CX3CR1: variants seen among roughly 807,000 people sequenced by gnomAD.
CX3CR1 encodes C-X3-C motif chemokine receptor 1, also known as CX3C chemokine receptor 1.
For synonymous variants in CX3CR1, 168 were observed against 178.5 expected (o/e 0.94, Z 0.47); for missense variants, 363 against 432.4 (o/e 0.84, Z 1.42).
Position 39,265,734 on chromosome 3 carries a change from T to C in CX3CR1, c.776A>G (p.Tyr259Cys). Residue 259 changes from tyrosine (Y) to cysteine (C), a missense_variant, in exon 2 of 2, where the codon TAT (tyrosine) becomes TGT (cysteine). Tyr to Cys is a radical substitution (Grantham distance 194, BLOSUM62 -2). Transcript: ENST00000399220. ...VMIFLETLKLYDFFPSCDMRK... is the reference protein window; with the variant it reads ...VMIFLETLKLCDFFPSCDMRK... Reference sequence around the variant, plus strand: ...CATGTCACAACTGGGAAAGAAGTCATAGAGCTTAAGCGTCTCCAGGAAAAT... The same window carrying C: ...CATGTCACAACTGGGAAAGAAGTCACAGAGCTTAAGCGTCTCCAGGAAAAT... 2 of 1,614,212 alleles carry C rather than the reference T, an allele frequency of 1.2e-6. No homozygotes were observed. The highest frequency in any genetic ancestry group is 1.7e-5 in the Admixed American group (1 of 60,028).
upstream of CX3CR1, among the ~76,000 whole-genome samples, chr3:39,282,560 A>G (rs115086625): frequency 6.6e-6 from 1 of 152,176 alleles, no homozygotes; most frequent in African/African-American, 2.4e-5. Context: ...AGAGGCTGTG[A>G]GGATGGTGGG....
chr3:39,267,879 C>T (rs2040725082), intron 1 of CX3CR1, among the ~76,000 whole-genome samples: 1 of 152,234 alleles, frequency 6.6e-6, no homozygotes, highest in South Asian at 2.1e-4. Flanking sequence ...CCAGGACTTG[C>T]TGCTCATTCA....
In CX3CR1 at chr3:39,265,608, C is replaced by G; in HGVS notation, c.902G>C (p.Arg301Thr). Residue 301 changes from arginine (R) to threonine (T), a missense_variant, in exon 2 of 2, where the codon AGA (arginine) becomes ACA (threonine). By Grantham distance (71) the Arg-to-Thr change is moderately conservative. Transcript: ENST00000399220. ...CCCATACAGGTGGTAAAGGTATCTT[C>G]TGAACTTCTCCCCAGCAAATGCATA... The part of the protein sequence containing the change: ...LIYAFAGEKF[R>T]RYLYHLYGKC... The G allele has an allele frequency of 6.2e-7, 1 of 1,614,248 alleles. No individual in the cohort carries two copies. The highest frequency in any genetic ancestry group is 2.2e-5 in the East Asian group (1 of 44,886).
At position 39,270,979 on chromosome 3, in the gene CX3CR1, A is replaced by T. The variant is rs144981844; in HGVS notation, c.-9-4461T>A. Among the ~76,000 whole-genome samples, 907 of 152,298 alleles carry T rather than the reference A, an allele frequency of 6.0e-3. 8 individuals carry two copies. The highest frequency in any genetic ancestry group is 0.02 in the African/African-American group (833 of 41,556). ...TAGATGAATTCAGAGAGGGTGAATA[A>T]CTTGTTCGAGGTGATGCAGTGTGTG... On this transcript the variant is annotated intron_variant, in intron 1 of 1. Coordinates refer to ENST00000399220, the MANE Select transcript of CX3CR1 (RefSeq NM_001337.4).
At chr3:39,275,153 T>C (rs2040824863) in intron 1 of CX3CR1, among the ~76,000 whole-genome samples, 1 of 152,230 alleles carries the variant, frequency 6.6e-6, no homozygotes, top group African/African-American at 2.4e-5. Flanking sequence ...TGAGCCACCG[T>C]GCCCACCTAG....
At chr3:39,279,621 C>A (rs918131084) in intron 1 of CX3CR1, among the ~76,000 whole-genome samples, 3 of 152,180 alleles carry the variant, frequency 2.0e-5, no homozygotes, top group Admixed American at 6.5e-5. Flanking sequence ...AATACAATTT[C>A]TCATCTCAAA....
upstream of CX3CR1, chr3:39,281,273 CAG>C (rs951915011): frequency 1.8e-6 from 2 of 1,095,334 alleles, no homozygotes; most frequent in Non-Finnish European, 1.1e-6. Context: ...AGGACAAAAG[CAG>C]AGTCAGGCCG....
At chr3:39,282,572 A>G (rs2040913167), upstream of CX3CR1, among the ~76,000 whole-genome samples, 1 of 152,136 alleles carries the variant, frequency 6.6e-6, no homozygotes, top group Non-Finnish European at 1.5e-5. Flanking sequence ...GATGGTGGGG[A>G]CACCCTGGAC....
chr3:39,271,415 A>G (rs893567546), intron 1 of CX3CR1, among the ~76,000 whole-genome samples: 1 of 152,230 alleles, frequency 6.6e-6, no homozygotes, highest in Non-Finnish European at 1.5e-5. Context: ...TCAAGGAGCA[A>G]GAAAAGAGAT....
intron 1 of CX3CR1, among the ~76,000 whole-genome samples, chr3:39,273,070 G>A (rs2040797809): frequency 6.6e-6 from 1 of 152,380 alleles, no homozygotes; most frequent in Non-Finnish European, 1.5e-5. Flanking sequence ...CACAAAGCCT[G>A]TGCTCCTTGC....
chr3:39,272,622 A>T (rs973342569), intron 1 of CX3CR1, among the ~76,000 whole-genome samples: 4 of 151,970 alleles, frequency 2.6e-5, no homozygotes, highest in Non-Finnish European at 5.9e-5. Flanking sequence ...TTCTAAATCC[A>T]GTGTATCTTC....
upstream of CX3CR1, among the ~76,000 whole-genome samples, chr3:39,280,888 AC>A (rs2040889411): frequency 1.3e-5 from 2 of 152,052 alleles, no homozygotes; most frequent in Non-Finnish European, 2.9e-5. Context: ...TACCTGCCTG[AC>A]CCCTGGCATA....
chr3:39,289,833 A>T, the CX3CR1 span, among the ~76,000 whole-genome samples: 1 of 152,168 alleles, frequency 6.6e-6, no homozygotes, highest in African/African-American at 2.4e-5. Context: ...GCACAGAGAA[A>T]GGAGGCGGCA....
chr3:39,290,267 G>A, the CX3CR1 span, among the ~76,000 whole-genome samples: 1 of 152,174 alleles, frequency 6.6e-6, no homozygotes, highest in African/African-American at 2.4e-5. Context: ...TGTCTTAGTG[G>A]ATTTTATCTG....
At position 39,265,565 on chromosome 3, in the gene CX3CR1, C is replaced by T. The variant is rs1367947084; in HGVS notation, c.945G>A (p.Leu315=). Residue 315 remains leucine (L), a synonymous_variant, in exon 2 of 2, where the codon CTG becomes CTA. Coordinates refer to ENST00000399220, the MANE Select transcript of CX3CR1 (RefSeq NM_001337.4). The part of the protein sequence containing the change: ...YHLYGKCLAV[L]CGRSVHVDFS... The stretch of plus-strand genomic sequence containing the variant: ...AATCAACGTGGACTGAGCGCCCACA[C>T]AGGACAGCCAGGCATTTCCCATACA... 2 of 1,614,214 alleles carry T rather than the reference C, an allele frequency of 1.2e-6. No homozygotes were observed. Among genetic ancestry groups the T allele is most frequent in the South Asian group, 1.1e-5 (1 of 91,078 alleles).
At chr3:39,277,049 A>G (rs1393705832) in intron 1 of CX3CR1, among the ~76,000 whole-genome samples, 1 of 152,228 alleles carries the variant, frequency 6.6e-6, no homozygotes, top group Admixed American at 6.5e-5. Context: ...TTTGCAATAA[A>G]CAAAATACAA....
intron 1 of CX3CR1, among the ~76,000 whole-genome samples, chr3:39,271,145 G>A (rs925152573): frequency 6.6e-6 from 1 of 152,168 alleles, no homozygotes; most frequent in Non-Finnish European, 1.5e-5. Flanking sequence ...AGCTCTGCAG[G>A]CCAATGTTCA....
At position 39,265,697 on chromosome 3, in the gene CX3CR1, C is replaced by T. The variant is rs775769697; in HGVS notation, c.813G>A (p.Leu271=). The T allele has an allele frequency of 1.9e-6, 3 of 1,614,188 alleles. No homozygotes were observed. The highest frequency in any genetic ancestry group is 1.3e-5 in the African/African-American group (1 of 75,054). ...TCTCAGTCACACTGAGGGCCAGCCT[C>T]AGATCCTTCCTCATGTCACAACTGG... The part of the protein sequence containing the change: ...FFPSCDMRKD[L]RLALSVTETV... The change falls in exon 2 of 2, where the codon CTG becomes CTA. Residue 271 remains leucine, a synonymous_variant. Coordinates refer to ENST00000399220, the MANE Select transcript of CX3CR1 (RefSeq NM_001337.4).
chr3:39,267,076 G>A (rs1219326307), intron 1 of CX3CR1, among the ~76,000 whole-genome samples: 3 of 152,128 alleles, frequency 2.0e-5, no homozygotes, highest in East Asian at 3.9e-4. Flanking sequence ...GAGCCACAGC[G>A]CCCAGCCAGC....
Sources: allele counts gnomAD v4.1 joint callset (sites outside exome capture counted in the v4.1 genomes callset), GRCh38; gene constraint gnomAD v4.1.1; transcripts MANE v1.5; gene names NCBI Gene and HGNC (gene_info 2026-07-23, HGNC 2026-07-21).